ESR1: variants seen among roughly 807,000 people sequenced by gnomAD.
The protein encoded by ESR1 is estrogen receptor 1, also known as estrogen receptor.
ESR1 carries 12 observed loss-of-function variants against 52.7 expected under a neutral mutation model. The observed-to-expected ratio is 0.23, with a 90% confidence interval of 0.15 to 0.37. The LOEUF (loss-of-function observed/expected upper bound fraction) is 0.37, where lower values mean the gene tolerates loss of function less well. Ranked by LOEUF, ESR1 falls within the 10% of genes least tolerant of loss-of-function variation. The pLI is 1.00. For synonymous variants in ESR1, 305 were observed against 316.8 expected, an observed-to-expected ratio of 0.96 and a Z score of 0.39; for missense variants, 584 against 779.7, an observed-to-expected ratio of 0.75 and a Z score of 2.99.
intron 5 of ESR1, among the ~76,000 whole-genome samples, chr6:152,034,249 T>C (rs1310009446): frequency 6.6e-6 from 1 of 151,726 alleles, no homozygotes; most frequent in East Asian, 1.9e-4. Flanking sequence ...GTAACAAACC[T>C]GCCCATTGTG....
intron 2 of ESR1, among the ~76,000 whole-genome samples, chr6:151,868,263 G>A (rs1228383144): frequency 6.6e-6 from 1 of 152,094 alleles, no homozygotes; most frequent in Non-Finnish European, 1.5e-5. Flanking sequence ...AAGTAGCTGG[G>A]ACTACAGGCG....
At chr6:151,867,399 G>A (rs1790114939) in intron 2 of ESR1, among the ~76,000 whole-genome samples, 1 of 143,526 alleles carries the variant, frequency 7.0e-6, no homozygotes, top group East Asian at 2.1e-4. Context: ...AATGTAGAAG[G>A]AACTTCAACA....
rs9340947 is a variant in ESR1 at position 151,992,960 on chromosome 6, C to T, written c.1097-18696C>T. On this transcript the variant is annotated intron_variant, in intron 4 of 7. Transcript: ENST00000206249. ...TTGGTTTAGTTAAGCCTACTTAGCT[C>T]GCTAATTTCAGTAATTTTGGCTTGA... Among the ~76,000 whole-genome samples the T allele has an allele frequency of 2.1e-4, 32 of 152,108 alleles. No individual in the cohort carries two copies. In the East Asian group the frequency reaches 5.0e-3, roughly 24 times the overall value.
At chr6:151,686,492 C>G (rs113201587), upstream of ESR1, among the ~76,000 whole-genome samples, 1 of 152,174 alleles carries the variant, frequency 6.6e-6, no homozygotes, top group South Asian at 2.1e-4. Context: ...GAGACCATCC[C>G]GGCTAACATG....
rs2046850044 is a variant in ESR1 at position 152,053,485 on chromosome 6, T to A, written c.1236-7506T>A. On this transcript the variant is annotated intron_variant, in intron 5 of 7. Coordinates refer to ENST00000206249, the MANE Select transcript of ESR1 (RefSeq NM_000125.4). This position sits in a 1 kb window ranked among gnomAD's most constrained non-coding sequence, Gnocchi z 4.1. ...CTCTTTCCCTCTCTCTCAATCTTTC[T>A]CTTCCTCAGTCTCTCTCCCATTCTC... 6.6e-6 allele frequency among the ~76,000 whole-genome samples: 1 copy of A among 152,028 alleles called. No individual in the cohort carries two copies. Among genetic ancestry groups the A allele is most frequent in the Non-Finnish European group, 1.5e-5 (1 of 67,988 alleles).
intron 3 of ESR1, among the ~76,000 whole-genome samples, chr6:151,920,020 G>A (rs2031278625): frequency 6.6e-6 from 1 of 152,146 alleles, no homozygotes; most frequent in African/African-American, 2.4e-5. Context: ...GGAGATAAAG[G>A]CTTTTTAAGC....
At chr6:151,868,570 TTC>T (rs35567935) in intron 2 of ESR1, among the ~76,000 whole-genome samples, 39,424 of 152,106 alleles carry the variant, frequency 0.26, 6,293 homozygotes, top group Middle Eastern at 0.38. Flanking sequence ...GTATTTGGTT[TTC>T]TGTTTCTATG....
chr6:151,704,581 A>G (rs1366798803), intron 2 of ESR1, among the ~76,000 whole-genome samples: 1 of 152,238 alleles, frequency 6.6e-6, no homozygotes, highest in Non-Finnish European at 1.5e-5. Context: ...AACTTAAAAC[A>G]TAAAAGTTCC....
intron 3 of ESR1, among the ~76,000 whole-genome samples, chr6:151,892,178 T>C (rs1203458859): frequency 6.6e-6 from 1 of 152,224 alleles, no homozygotes; most frequent in Non-Finnish European, 1.5e-5. Flanking sequence ...ACTCAGTTTT[T>C]ACTTCTGAAA....
chr6:151,803,587 C>T (rs1366642951), upstream of ESR1, among the ~76,000 whole-genome samples: 2 of 151,844 alleles, frequency 1.3e-5, no homozygotes, highest in South Asian at 4.2e-4. Context: ...CAAGATGGAT[C>T]CTGAAGCAGT....
At chr6:151,846,862 T>TG (rs1212908808) in intron 2 of ESR1, among the ~76,000 whole-genome samples, 1 of 152,136 alleles carries the variant, frequency 6.6e-6, no homozygotes, top group African/African-American at 2.4e-5. Context: ...GTCCCTGGGA[T>TG]GAGTTATATA....
At chr6:151,802,226 G>A (rs544826273), upstream of ESR1, among the ~76,000 whole-genome samples, 49 of 152,272 alleles carry the variant, frequency 3.2e-4, no homozygotes, top group African/African-American at 1.2e-3. Context: ...TAAAATAAGT[G>A]ACCAAACTAT....
At chr6:151,791,287 C>G (rs570451564) in intron 2 of ESR1, among the ~76,000 whole-genome samples, 1 of 152,060 alleles carries the variant, frequency 6.6e-6, no homozygotes, top group African/African-American at 2.4e-5. Flanking sequence ...ATCACGGGGG[C>G]GGGTCTCTCC....
intron 2 of ESR1, among the ~76,000 whole-genome samples, chr6:151,744,021 T>A (rs2128062865): frequency 6.6e-6 from 1 of 152,344 alleles, no homozygotes; most frequent in South Asian, 2.1e-4. Flanking sequence ...CTTTTGTGAC[T>A]GACTTCTTTT....
At chr6:151,844,194 A>C (rs1784748467) in intron 2 of ESR1, among the ~76,000 whole-genome samples, 1 of 151,750 alleles carries the variant, frequency 6.6e-6, no homozygotes, top group Non-Finnish European at 1.5e-5. Flanking sequence ...AGGCTATTTA[A>C]TTTTATTAGA....
intron 4 of ESR1, among the ~76,000 whole-genome samples, chr6:151,981,269 A>G (rs751356640): frequency 1.7e-4 from 26 of 152,166 alleles, no homozygotes; most frequent in Middle Eastern, 3.2e-3. Flanking sequence ...TTCTAAAGTA[A>G]TGACTCATTT....
exon 7 of ESR1, chr6:152,125,486 C>A: frequency 1.7e-6 from 2 of 1,184,610 alleles, no homozygotes; most frequent in Non-Finnish European, 1.1e-6. Context: ...TTCTCATTTG[C>A]AATGATTCAA....
intron 2 of ESR1, among the ~76,000 whole-genome samples, chr6:151,784,250 T>G (rs949486262): frequency 3.9e-5 from 6 of 152,224 alleles, no homozygotes; most frequent in Admixed American, 1.3e-4. Flanking sequence ...TTCTTCTGCA[T>G]GGGAGATTTG....
intron 2 of ESR1, among the ~76,000 whole-genome samples, chr6:151,709,628 T>A (rs1780438696): frequency 6.6e-6 from 1 of 152,160 alleles, no homozygotes. Flanking sequence ...ACACTTTTAA[T>A]CTTTTGTCCT....
Sources: gnomAD v4.1 joint callset for allele counts (sites outside exome capture counted in the v4.1 genomes callset) on GRCh38, gnomAD v4.1.1 for gene constraint, Gnocchi (gnomAD v3.1) non-coding constraint, MANE v1.5 for transcripts, NCBI Gene and HGNC (gene_info 2026-07-23, HGNC 2026-07-21) for gene names.